The following CLPTM1 variants were observed in gnomAD, a reference collection of about 807,000 sequenced individuals.
CLPTM1 encodes the protein CLPTM1 regulator of GABA type A receptor forward trafficking.
CLPTM1 carries 21 observed loss-of-function variants against 77.3 expected under a neutral mutation model. The observed-to-expected ratio is 0.27, with a 90% CI of 0.19 to 0.39. CLPTM1 has a LOEUF of 0.39. Among genes scored for constraint, CLPTM1 ranks in the 10% least tolerant of loss-of-function variants. The pLI is 1.00. For synonymous variants in CLPTM1, 373 were observed against 381.0 expected, an observed-to-expected ratio of 0.98 and a Z score of 0.24; for missense variants, 642 against 921.2, an observed-to-expected ratio of 0.70 and a Z score of 3.92.
At chr19:44,981,381 C>T (rs1289323697) in intron 5 of CLPTM1, among the ~76,000 whole-genome samples, 4 of 150,926 alleles carry the variant, frequency 2.7e-5, no homozygotes, top group Non-Finnish European at 4.4e-5. Context: ...CCTCAGGGGA[C>T]CCACCTGCCT....
chr19:44,987,006 C>T (rs1970988877), intron 7 of CLPTM1, 173 bp from the exon 8 acceptor site: 1 of 813,088 alleles, frequency 1.2e-6, no homozygotes, highest in Admixed American at 2.6e-5. Context: ...TTGCCTCAGT[C>T]CCCTCTGCTG....
chr19:44,954,858 C>A (rs778457854), upstream of CLPTM1: 4 of 1,206,138 alleles, frequency 3.3e-6, no homozygotes, highest in Non-Finnish European at 4.5e-6. Context: ...GAGACTTGAA[C>A]GAAAGAGTTG....
intron 1 of CLPTM1, among the ~76,000 whole-genome samples, chr19:44,960,274 C>G (rs183591327): frequency 1.1e-4 from 17 of 152,348 alleles, no homozygotes; most frequent in African/African-American, 3.6e-4. Context: ...CTGTTCCCAA[C>G]TCAGTTGCTG....
chr19:44,990,399 C>A lies in CLPTM1; in HGVS notation c.1137C>A (p.Ile379=), dbSNP rs1320507457. The part of the protein sequence containing the change: ...VFEFLAFKND[I]QFWNSRQSLE... ...CCCCCTACCCCCTGCGCACAGATAT[C>A]CAGTTCTGGAACAGCCGGCAGTCCC... Residue 379 remains isoleucine (I), a synonymous_variant, in exon 10 of 14, where the codon ATC becomes ATA. Transcript: ENST00000337392. This position sits in a 1 kb window ranked among gnomAD's most constrained non-coding sequence, Gnocchi z 4.8. 6.2e-7 allele frequency: 1 copy of A among 1,613,968 alleles called. No individual in the cohort carries two copies. The highest frequency in any genetic ancestry group is 2.2e-5 in the East Asian group (1 of 44,868).
chr19:44,989,990 G>A (rs1163276359), intron 9 of CLPTM1: 1 of 178,252 alleles, frequency 5.6e-6, no homozygotes, highest in Admixed American at 6.0e-5. Flanking sequence ...AGGGCGAGCT[G>A]GCACCATGGT....
At chr19:44,964,936 G>A (rs1416387510) in intron 2 of CLPTM1, among the ~76,000 whole-genome samples, 1 of 152,128 alleles carries the variant, frequency 6.6e-6, no homozygotes, top group Non-Finnish European at 1.5e-5. Flanking sequence ...TTTTTTCAAA[G>A]CCCAGCTTCT....
At chr19:44,973,760 G>GGTTTTTTTGTTTTTGTTTTT (rs1206649895) in intron 3 of CLPTM1, among the ~76,000 whole-genome samples, 4 of 20,324 alleles carry the variant, frequency 2.0e-4, no homozygotes, top group African/African-American at 4.3e-4. Flanking sequence ...GGTCACAGTG[G>GGTTTTTTTGTTTTTGTTTTT]GTTTTTTTTT....
At chr19:44,989,637 A>G (rs551178398) in intron 9 of CLPTM1, among the ~76,000 whole-genome samples, 1 of 151,976 alleles carries the variant, frequency 6.6e-6, no homozygotes, top group Middle Eastern at 3.4e-3. Flanking sequence ...CACAGCCCTC[A>G]CTCCCTGAGT....
At position 44,986,557 on chromosome 19, in the gene CLPTM1, C is replaced by T; in HGVS notation, c.775C>T (p.Pro259Ser). 1 of 1,613,630 alleles carries T rather than the reference C, an allele frequency of 6.2e-7. No homozygotes were observed. Among genetic ancestry groups the T allele is most frequent in the East Asian group, 2.2e-5 (1 of 44,880 alleles). Residue 259 changes from proline (P) to serine (S), a missense_variant, in exon 7 of 14, where the codon CCC becomes TCC. Physicochemically the swap from Pro to Ser is moderately conservative, Grantham distance 74. Transcript: ENST00000337392. ...CACGCCGTGGGTGAAGGGCAGTGTG[C>T]CCCCTCCCCTGGATCAATGTAAGCT... Reference protein sequence around the residue: ...DHTPWVKGSVPPPLDQYVKFD... With the variant: ...DHTPWVKGSVSPPLDQYVKFD...
At chr19:44,965,677 G>A (rs892246304) in intron 2 of CLPTM1, among the ~76,000 whole-genome samples, 3 of 152,084 alleles carry the variant, frequency 2.0e-5, no homozygotes, top group African/African-American at 7.2e-5. Flanking sequence ...AGCCAGGTGT[G>A]GTGGCGGGCG....
Position 44,990,778 on chromosome 19 carries a change from G to A in CLPTM1, c.1324-72G>A, listed in dbSNP as rs1971059965. 4 of 1,396,650 alleles carry A rather than the reference G, an allele frequency of 2.9e-6. No individual in the cohort carries two copies. In the East Asian group the frequency reaches 9.4e-5, roughly 33 times the overall value. 86.5% of individuals were successfully genotyped at this position (1,396,650 alleles called of 1,614,324 possible). A position where few individuals can be genotyped will look rare whatever the true frequency, so the allele number is the denominator to read the frequency against. ...GGGGAACTGGGAACGGTGGGGAAGG[G>A]CAGGGGCTGGTTCTGGCTTGTGGGG... On this transcript the variant is annotated intron_variant, in intron 10 of 13. Transcript: ENST00000337392. The surrounding 1 kb of genome is among the most constrained non-coding windows in gnomAD (Gnocchi z 4.8).
intron 1 of CLPTM1, among the ~76,000 whole-genome samples, chr19:44,959,286 C>T (rs1009359537): frequency 6.6e-6 from 1 of 151,938 alleles, no homozygotes; most frequent in Non-Finnish European, 1.5e-5. Context: ...TCTCGAACTC[C>T]TGGGCTCAAT....
intron 2 of CLPTM1, among the ~76,000 whole-genome samples, chr19:44,965,385 C>T (rs1970611195): frequency 6.6e-6 from 1 of 151,902 alleles, no homozygotes; most frequent in Non-Finnish European, 1.5e-5. Context: ...GTAGTCCCAG[C>T]TACTCGGGAG....
intron 5 of CLPTM1, among the ~76,000 whole-genome samples, chr19:44,984,767 AC>A (rs1209334341): frequency 6.6e-6 from 1 of 151,676 alleles, no homozygotes; most frequent in African/African-American, 2.4e-5. Flanking sequence ...GCTTCCTGTA[AC>A]CTCCACCTCC....
intron 5 of CLPTM1, among the ~76,000 whole-genome samples, chr19:44,982,039 G>T (rs747971413): frequency 1.3e-5 from 2 of 151,506 alleles, no homozygotes; most frequent in African/African-American, 4.9e-5. Context: ...GTTTCCCCTT[G>T]TGTCAGTTTT....
intron 2 of CLPTM1, among the ~76,000 whole-genome samples, chr19:44,962,696 A>G (rs924108117): frequency 6.6e-6 from 1 of 152,094 alleles, no homozygotes; most frequent in Admixed American, 6.6e-5. Flanking sequence ...TTGGGAGGCC[A>G]GGTTGGAAGG....
Position 44,972,829 on chromosome 19 carries a change from G to T in CLPTM1, c.186-258G>T, listed in dbSNP as rs559553394. Reference sequence around the variant, plus strand: ...GCTCCTGCAGGATTTAGAGTCAAGGGTCTGCATGCAGACCAGGGCAGTGCC... The same window carrying T: ...GCTCCTGCAGGATTTAGAGTCAAGGTTCTGCATGCAGACCAGGGCAGTGCC... On this transcript the variant is annotated intron_variant, in intron 2 of 13. Coordinates refer to ENST00000337392, the MANE Select transcript of CLPTM1 (RefSeq NM_001294.4). 3.2e-4 allele frequency among the ~76,000 whole-genome samples: 48 copies of T among 151,880 alleles called. 1 individual carries two copies. In the South Asian group the frequency reaches 3.6e-3, roughly 11 times the overall value.
chr19:44,955,023 G>A (rs1568637768), upstream of CLPTM1: 6 of 1,535,722 alleles, frequency 3.9e-6, no homozygotes, highest in Non-Finnish European at 4.4e-6. Flanking sequence ...GAACGAAAAG[G>A]ACGCGAAGAA....
At chr19:44,960,501 G>C (rs1421702462) in intron 1 of CLPTM1, among the ~76,000 whole-genome samples, 6 of 152,146 alleles carry the variant, frequency 3.9e-5, no homozygotes, top group Non-Finnish European at 1.5e-5. Flanking sequence ...CTATAGCTGA[G>C]GTCTGTTTGA....
Sources: gnomAD v4.1 joint callset for allele counts (sites outside exome capture counted in the v4.1 genomes callset) on GRCh38, gnomAD v4.1.1 for gene constraint, Gnocchi (gnomAD v3.1) non-coding constraint, MANE v1.5 for transcripts, NCBI Gene and HGNC (gene_info 2026-07-23, HGNC 2026-07-21) for gene names.